PDE7B: variants seen among roughly 807,000 people sequenced by gnomAD.
PDE7B encodes 3',5'-cyclic-AMP phosphodiesterase 7B.
In PDE7B, 29 loss-of-function variants were observed where a neutral mutation model predicts 56.2. The ratio of observed to expected loss-of-function variants is 0.52; its 90% confidence interval spans 0.38 to 0.70. The LOEUF (loss-of-function observed/expected upper bound fraction) is 0.70, where lower values mean the gene tolerates loss of function less well. PDE7B is among the 30% of genes least tolerant of loss of function. The pLI, the probability that PDE7B is intolerant of heterozygous loss-of-function variation, is 0.00. For missense variants in PDE7B, 490 were observed against 565.0 expected (o/e 0.87, Z 1.35); for synonymous variants, 197 against 196.9 (o/e 1.00, Z 0.00).
chr6:135,950,077 G>A (rs1361701), intron 2 of PDE7B, among the ~76,000 whole-genome samples: 54,394 of 151,778 alleles, frequency 0.36, 10,112 homozygotes, highest in Admixed American at 0.5. Flanking sequence ...CCATTAACAT[G>A]CATCCACCTG....
chr6:136,041,303 G>A (rs922074779), intron 2 of PDE7B, among the ~76,000 whole-genome samples: 1 of 152,278 alleles, frequency 6.6e-6, no homozygotes, highest in African/African-American at 2.4e-5. Context: ...AATGTTCTGA[G>A]ATTTGGCTAA....
chr6:135,854,528 G>T (rs1774991834), intron 1 of PDE7B, among the ~76,000 whole-genome samples: 2 of 152,136 alleles, frequency 1.3e-5, no homozygotes, highest in Admixed American at 6.5e-5. Context: ...GGGTACATTT[G>T]ACTGAGGAAG....
chr6:135,892,885 T>C (rs1165220069), intron 1 of PDE7B, among the ~76,000 whole-genome samples: 1 of 152,196 alleles, frequency 6.6e-6, no homozygotes, highest in African/African-American at 2.4e-5. Flanking sequence ...ATGAGACATA[T>C]GCTTTGTTTC....
At chr6:135,860,950 A>G (rs1019516465) in intron 1 of PDE7B, among the ~76,000 whole-genome samples, 27 of 151,912 alleles carry the variant, frequency 1.8e-4, no homozygotes, top group African/African-American at 6.0e-4. Flanking sequence ...GAGAGTCAAG[A>G]AATAGAACAT....
At chr6:136,131,642 G>A (rs1778121164) in intron 3 of PDE7B, among the ~76,000 whole-genome samples, 1 of 151,816 alleles carries the variant, frequency 6.6e-6, no homozygotes, top group African/African-American at 2.4e-5. Context: ...CAATGTCTGT[G>A]AATTTCTTTG....
At chr6:135,920,645 G>A (rs1322800199) in intron 1 of PDE7B, among the ~76,000 whole-genome samples, 3 of 152,162 alleles carry the variant, frequency 2.0e-5, no homozygotes, top group Non-Finnish European at 4.4e-5. Context: ...ATTACATCAA[G>A]TTATCAACCC....
chr6:136,159,696 G>A (rs1778671143), intron 8 of PDE7B, among the ~76,000 whole-genome samples: 1 of 152,144 alleles, frequency 6.6e-6, no homozygotes, highest in African/African-American at 2.4e-5. Flanking sequence ...AATTAAAAAT[G>A]AAAACACAGA....
At chr6:136,168,114 G>A (rs1778824714) in intron 8 of PDE7B, among the ~76,000 whole-genome samples, 2 of 152,048 alleles carry the variant, frequency 1.3e-5, no homozygotes, top group Admixed American at 1.3e-4. Flanking sequence ...CACCTTGGAA[G>A]GTATTAGGGT....
At chr6:135,947,285 A>G (rs1043571831) in intron 1 of PDE7B, among the ~76,000 whole-genome samples, 179 bp from the exon 2 acceptor site, 1 of 152,090 alleles carries the variant, frequency 6.6e-6, no homozygotes, top group Non-Finnish European at 1.5e-5. Flanking sequence ...ATTCCAACTT[A>G]TCCCTCAAAT....
intron 1 of PDE7B, among the ~76,000 whole-genome samples, chr6:135,934,149 GGGT>G (rs1774347045): frequency 6.6e-6 from 1 of 152,054 alleles, no homozygotes; most frequent in Non-Finnish European, 1.5e-5. Context: ...AGCCTACAGA[GGGT>G]CTTGAAGCAA....
intron 1 of PDE7B, among the ~76,000 whole-genome samples, chr6:135,919,240 GT>G (rs1275979974): frequency 1.3e-5 from 2 of 152,076 alleles, no homozygotes; most frequent in Non-Finnish European, 2.9e-5. Context: ...AAAGTTTTCA[GT>G]TTCAATGGAA....
chr6:136,033,957 T>C (rs938559248), intron 2 of PDE7B: 5 of 151,988 alleles, frequency 3.3e-5, no homozygotes, highest in Non-Finnish European at 7.4e-5. Flanking sequence ...ACAAAATAAA[T>C]AAACTCCCTC....
intron 3 of PDE7B, among the ~76,000 whole-genome samples, chr6:136,142,687 TC>T (rs1778348405): frequency 6.6e-6 from 1 of 152,198 alleles, no homozygotes; most frequent in Non-Finnish European, 1.5e-5. Flanking sequence ...GTTGAATTGA[TC>T]CCTTTACCAT....
intron 2 of PDE7B, among the ~76,000 whole-genome samples, chr6:136,010,882 T>A (rs1048748267): frequency 6.6e-6 from 1 of 152,134 alleles, no homozygotes; most frequent in Non-Finnish European, 1.5e-5. Context: ...TGAGTTCTGA[T>A]GGGCTGTTGA....
intron 1 of PDE7B, among the ~76,000 whole-genome samples, chr6:135,875,569 T>C (rs1281706615): frequency 6.6e-6 from 1 of 152,188 alleles, no homozygotes; most frequent in Admixed American, 6.5e-5. Flanking sequence ...CCTGAACTAT[T>C]ATCTTTTTAA....
chr6:136,138,273 C>G (rs1332886337), intron 3 of PDE7B, among the ~76,000 whole-genome samples: 1 of 152,062 alleles, frequency 6.6e-6, no homozygotes, highest in African/African-American at 2.4e-5. Flanking sequence ...TAGCTATGCA[C>G]TGGGAGTCCT....
At chr6:136,044,115 C>T (rs1053008608) in intron 2 of PDE7B, 7 of 152,248 alleles carry the variant, frequency 4.6e-5, no homozygotes, top group South Asian at 2.1e-4. Context: ...ATATCCCGCT[C>T]GTATGCTAGC....
At chr6:136,186,682 C>T (rs1277717480) in intron 11 of PDE7B, among the ~76,000 whole-genome samples, 2 of 152,208 alleles carry the variant, frequency 1.3e-5, no homozygotes, top group Non-Finnish European at 2.9e-5. Context: ...AAGGACAAAA[C>T]CTGTTTTCTT....
intron 2 of PDE7B, among the ~76,000 whole-genome samples, chr6:135,963,089 C>T (rs1397701517): frequency 1.3e-5 from 2 of 152,164 alleles, no homozygotes; most frequent in Non-Finnish European, 2.9e-5. Flanking sequence ...GTGGAACTTT[C>T]TGAGGTTCTC....
Sources: allele counts gnomAD v4.1 joint callset (sites outside exome capture counted in the v4.1 genomes callset), GRCh38; gene constraint gnomAD v4.1.1; transcripts MANE v1.5; gene names NCBI Gene and HGNC (gene_info 2026-07-23, HGNC 2026-07-21).